NBEAL1: variants seen among roughly 807,000 people sequenced by gnomAD.
The protein encoded by NBEAL1 is neurobeachin like 1, also known as neurobeachin-like protein 1.
A neutral mutation model predicts 351.3 loss-of-function variants in NBEAL1; 273 were observed. The observed-to-expected ratio is 0.78, with a 90% CI of 0.70 to 0.86. NBEAL1 has a LOEUF of 0.86. NBEAL1 is among the 40% of genes least tolerant of loss of function. The pLI, the probability that NBEAL1 is intolerant of heterozygous loss-of-function variation, is 0.00. For synonymous variants in NBEAL1, 1,050 were observed against 1,086.4 expected, an observed-to-expected ratio of 0.97 and a Z score of 0.66; for missense variants, 2,961 against 3,201.3, an observed-to-expected ratio of 0.92 and a Z score of 1.81.
intron 18 of NBEAL1, among the ~76,000 whole-genome samples, chr2:203,121,310 CA>C (rs1289181208): frequency 6.6e-6 from 1 of 151,408 alleles, no homozygotes; most frequent in Non-Finnish European, 1.5e-5. Flanking sequence ...TTTTTTAAAG[CA>C]AAAAATCTGT....
chr2:203,177,419 T>C (rs973848456), intron 42 of NBEAL1, among the ~76,000 whole-genome samples: 1 of 148,392 alleles, frequency 6.7e-6, no homozygotes, highest in African/African-American at 2.5e-5. Context: ...TATATCTTAA[T>C]AATAAAAAGA....
intron 55 of NBEAL1, 130 bp downstream of exon 55, chr2:203,213,783 GGCA>G: frequency 2.6e-6 from 4 of 1,515,290 alleles, no homozygotes; most frequent in Non-Finnish European, 3.5e-6. Flanking sequence ...TTTTTCAAAA[GGCA>G]GTAAATAAAA....
At chr2:203,131,206 T>C (rs1172399913) in intron 25 of NBEAL1, among the ~76,000 whole-genome samples, 1 of 152,236 alleles carries the variant, frequency 6.6e-6, no homozygotes, top group Admixed American at 6.5e-5. Context: ...GTCCAGTTTA[T>C]TCTTTTTTAA....
At chr2:203,154,159 C>A (rs2063736198) in intron 35 of NBEAL1, among the ~76,000 whole-genome samples, 1 of 151,516 alleles carries the variant, frequency 6.6e-6, no homozygotes, top group Admixed American at 6.6e-5. Flanking sequence ...TGGCATGAAC[C>A]CGGGAGGCGG....
chr2:203,030,964 G>A (rs762968338), intron 2 of NBEAL1, among the ~76,000 whole-genome samples: 4 of 152,226 alleles, frequency 2.6e-5, no homozygotes, highest in Non-Finnish European at 5.9e-5. Context: ...GCAGTGAGCT[G>A]TTGTTGCTAT....
At chr2:203,142,580 A>G (rs1360515475) in intron 31 of NBEAL1, among the ~76,000 whole-genome samples, 1 of 152,168 alleles carries the variant, frequency 6.6e-6, no homozygotes, top group Non-Finnish European at 1.5e-5. Context: ...TAGTCAAGTA[A>G]ATTATCTTAT....
intron 38 of NBEAL1, among the ~76,000 whole-genome samples, chr2:203,169,344 T>C (rs2064243914): frequency 6.8e-6 from 1 of 146,578 alleles, no homozygotes; most frequent in Admixed American, 7.0e-5. Context: ...AAAAAATTTC[T>C]GAAGTTAGAT....
chr2:203,154,852 T>A (rs78955229), intron 35 of NBEAL1, among the ~76,000 whole-genome samples: 2,273 of 151,126 alleles, frequency 0.015, 56 homozygotes, highest in African/African-American at 0.052. Context: ...AGAAGATTGC[T>A]TGAACCCAGG....
chr2:203,102,519 G>A (rs1420630643), intron 12 of NBEAL1, among the ~76,000 whole-genome samples: 1 of 152,142 alleles, frequency 6.6e-6, no homozygotes, highest in Non-Finnish European at 1.5e-5. Context: ...AACATGAAGC[G>A]ATGCTGAATT....
intron 35 of NBEAL1, among the ~76,000 whole-genome samples, chr2:203,156,070 T>G (rs1315012511): frequency 6.6e-6 from 1 of 152,208 alleles, no homozygotes; most frequent in Admixed American, 6.5e-5. Flanking sequence ...TTATCTTTTC[T>G]CATATGTGTA....
At chr2:203,120,191 C>T (rs1332692311) in intron 18 of NBEAL1, among the ~76,000 whole-genome samples, 1 of 152,056 alleles carries the variant, frequency 6.6e-6, no homozygotes, top group Admixed American at 6.6e-5. Context: ...CTAAGTATTT[C>T]ACGTGTATTG....
At chr2:203,208,144 G>T (rs2065663173) in intron 51 of NBEAL1, among the ~76,000 whole-genome samples, 1 of 151,836 alleles carries the variant, frequency 6.6e-6, no homozygotes, top group Admixed American at 6.6e-5. Context: ...AATTAGCCAG[G>T]CATGGTGGTA....
intron 31 of NBEAL1, among the ~76,000 whole-genome samples, chr2:203,139,541 G>T (rs1451676762): frequency 4.9e-5 from 7 of 143,838 alleles, no homozygotes; most frequent in African/African-American, 1.5e-4. Flanking sequence ...TCTGACAACA[G>T]GTTGCCCACC....
At chr2:203,132,897 C>A (rs1410533522) in intron 26 of NBEAL1, among the ~76,000 whole-genome samples, 161 bp from the exon 27 acceptor site, 1 of 152,064 alleles carries the variant, frequency 6.6e-6, no homozygotes, top group Non-Finnish European at 1.5e-5. Flanking sequence ...AGGAGGATGT[C>A]AAACATTCTA....
chr2:203,143,195 T>C (rs1383520095), intron 31 of NBEAL1, among the ~76,000 whole-genome samples: 1 of 152,236 alleles, frequency 6.6e-6, no homozygotes, highest in Non-Finnish European at 1.5e-5. Flanking sequence ...CTTAGATCTT[T>C]CTGTAGCCAA....
At chr2:203,151,684 T>A (rs1316784430) in intron 35 of NBEAL1, 95 bp downstream of exon 35, 1 of 1,197,736 alleles carries the variant, frequency 8.3e-7, no homozygotes, top group Admixed American at 3.1e-5. Flanking sequence ...TGTGTTTACT[T>A]ATGAAGGAAG....
intron 18 of NBEAL1, among the ~76,000 whole-genome samples, chr2:203,116,899 C>T (rs1181527486): frequency 1.3e-5 from 2 of 151,292 alleles, no homozygotes; most frequent in Admixed American, 6.6e-5. Context: ...GTCAGGAGTT[C>T]GAGACCAACT....
At chr2:203,138,834 G>T (rs2063291091) in intron 31 of NBEAL1, 86 bp downstream of exon 31, 5 of 1,335,102 alleles carry the variant, frequency 3.7e-6, no homozygotes, top group South Asian at 1.8e-5. Flanking sequence ...ATGTCTTTTT[G>T]GTATTTTAAG....
rs779435393 is a variant in NBEAL1 at position 203,149,028 on chromosome 2, A to C, written c.5342A>C (p.Gln1781Pro). 6.2e-7 allele frequency: 1 copy of C among 1,611,032 alleles called. No individual in the cohort carries two copies. Among genetic ancestry groups the C allele is most frequent in the Non-Finnish European group, 8.5e-7 (1 of 1,178,258 alleles). The change falls in exon 34 of 56, where the codon CAA becomes CCA. Residue 1781 changes from glutamine (Q) to proline (P), a missense_variant. Transcript: ENST00000683969. ...FVEPFNRKAR[Q>P]ENLRYNNMLK... is the part of the protein sequence containing the mutation. ...GAGCCATTTAATCGAAAAGCACGCC[A>C]AGAGAACCTGAGGTATAATAATATG... is the stretch of plus-strand genomic sequence containing the variant.
Sources: gnomAD v4.1 joint callset for allele counts (sites outside exome capture counted in the v4.1 genomes callset) on GRCh38, gnomAD v4.1.1 for gene constraint, MANE v1.5 for transcripts, NCBI Gene and HGNC (gene_info 2026-07-23, HGNC 2026-07-21) for gene names.